The following HYDIN variants were observed in gnomAD, a reference collection of about 807,000 sequenced individuals.
The protein encoded by HYDIN is axonemal central pair apparatus protein HYDIN.
In HYDIN, 132 loss-of-function variants were observed where a neutral mutation model predicts 403.9. The ratio of observed to expected loss-of-function variants is 0.33; its 90% confidence interval spans 0.28 to 0.38. The LOEUF (loss-of-function observed/expected upper bound fraction) is 0.38. Ranked by LOEUF, HYDIN falls within the 10% of genes least tolerant of loss-of-function variation. The pLI is 1.00. For synonymous variants in HYDIN, 1,202 were observed against 1,891.7 expected (o/e 0.64, Z 9.46); for missense variants, 2,827 against 5,009.5 (o/e 0.56, Z 13.15).
intron 76 of HYDIN, among the ~76,000 whole-genome samples, chr16:70,838,325 G>C (rs1291531025): frequency 6.6e-6 from 1 of 151,768 alleles, no homozygotes; most frequent in African/African-American, 2.4e-5. Flanking sequence ...TGAGTAGCTG[G>C]GATTATAGGT....
At chr16:71,188,515 C>CAACACAA (rs2087265754) in intron 1 of HYDIN, among the ~76,000 whole-genome samples, 2 of 152,202 alleles carry the variant, frequency 1.3e-5, no homozygotes, top group Admixed American at 1.3e-4. Flanking sequence ...AAATCATTAA[C>CAACACAA]AACACAAAGA....
chr16:70,994,266 CATGGATGGATGGATGGATGG>C (rs34567184), intron 23 of HYDIN, among the ~76,000 whole-genome samples: 4 of 136,680 alleles, frequency 2.9e-5, no homozygotes, highest in South Asian at 2.7e-4. Flanking sequence ...TGGATGGATG[CATGGATGGATGGATGGATGG>C]ATGGATGGAT....
rs1415549198 is a variant in HYDIN at position 70,863,137 on chromosome 16, C to T, written c.11517G>A (p.Trp3839Ter). The T allele has an allele frequency of 6.2e-7, 1 of 1,614,030 alleles. No homozygotes were observed. Among genetic ancestry groups the T allele is most frequent in the South Asian group, 1.1e-5 (1 of 91,072 alleles). Residue 3839 changes from tryptophan to a stop codon, truncating the protein, a stop_gained, in exon 68 of 86, where the codon TGG becomes TGA. Transcript: ENST00000393567. LOFTEE classifies it high-confidence loss of function. ...CTGCCTTTGAGGTATCTTCTGAGAC[C>T]CAGCTGAATTCCAGCTGGACACGTC... ...NSGRVQLEFS[W>*]VSEDTSKAVS...
At chr16:71,183,178 G>C (rs1259220412) in intron 3 of HYDIN, among the ~76,000 whole-genome samples, 1 of 152,052 alleles carries the variant, frequency 6.6e-6, no homozygotes, top group East Asian at 1.9e-4. Context: ...GATGATTAAA[G>C]AGGTCTGTTG....
chr16:70,820,204 T>C, intron 83 of HYDIN, among the ~76,000 whole-genome samples: 1 of 135,388 alleles, frequency 7.4e-6, no homozygotes, highest in Non-Finnish European at 1.6e-5. Flanking sequence ...TTTTTTTTTT[T>C]TTTTGAGATG....
chr16:70,809,775 C>T lies in HYDIN; in HGVS notation c.14883+8G>A. 1 of 1,598,522 alleles carries T rather than the reference C, an allele frequency of 6.3e-7. No individual in the cohort carries two copies. Among genetic ancestry groups the T allele is most frequent in the Middle Eastern group, 1.7e-4 (1 of 5,806 alleles). On this transcript the variant is annotated splice_region_variant and intron_variant, in intron 85 of 85. Transcript: ENST00000393567. ...GGAAGGGCAGAAGGTAGAGCAGGGG[C>T]CACTCACCCTGCAGTAGTATTCTGT...
rs2034997874 is a variant in HYDIN, at chr16:70,803,867, A to G, written c.*3713T>C. ...TGGGGGCCCAGTGTGGAACGAGGCC[A>G]GGGAGCCCCATTCCCATGGTATTCT... On this transcript the variant is annotated 3_prime_UTR_variant, in exon 86 of 86. Transcript: ENST00000393567. Among the ~76,000 whole-genome samples, 1 of 151,692 alleles carries G rather than the reference A, an allele frequency of 6.6e-6. No individual in the cohort carries two copies. The highest frequency in any genetic ancestry group is 1.5e-5 in the Non-Finnish European group (1 of 67,886).
chr16:71,228,009 C>T (rs1233561888), intron 1 of HYDIN, among the ~76,000 whole-genome samples: 4 of 152,076 alleles, frequency 2.6e-5, no homozygotes, highest in Non-Finnish European at 4.4e-5. Flanking sequence ...TAATACCACA[C>T]ATCTACAACC....
chr16:70,955,472 T>G lies in HYDIN; in HGVS notation c.6219A>C (p.Glu2073Asp). 1.9e-6 allele frequency: 3 copies of G among 1,612,060 alleles called. No homozygotes were observed. The highest frequency in any genetic ancestry group is 2.5e-6 in the Non-Finnish European group (3 of 1,178,206). ...GGATGTTGTTGCTGTTGGCCACAGCTTCCAGCACAATGGAGTCGATGCTCA... is the reference window on the plus strand; with the variant it reads ...GGATGTTGTTGCTGTTGGCCACAGCGTCCAGCACAATGGAGTCGATGCTCA... ...ACLSIDSIVL[E>D]AVANSNNIPG... Residue 2073 changes from glutamate to aspartate, a missense_variant, in exon 40 of 86, where the codon GAA becomes GAC. Physicochemically the swap from Glu to Asp is conservative, Grantham distance 45. Transcript: ENST00000393567.
intron 41 of HYDIN, among the ~76,000 whole-genome samples, chr16:70,947,636 T>C (rs2077917325): frequency 6.6e-6 from 1 of 152,078 alleles, no homozygotes; most frequent in African/African-American, 2.4e-5. Context: ...TCTTTGTACC[T>C]CTGGTAGCAT....
chr16:70,846,425 G>A (rs1302937561), intron 75 of HYDIN, among the ~76,000 whole-genome samples: 1 of 151,390 alleles, frequency 6.6e-6, no homozygotes, highest in Non-Finnish European at 1.5e-5. Context: ...TATAATCTCT[G>A]TTCTTTTACA....
chr16:71,025,750 T>G (rs923724463), intron 20 of HYDIN, among the ~76,000 whole-genome samples: 1 of 142,496 alleles, frequency 7.0e-6, no homozygotes, highest in Non-Finnish European at 1.5e-5. Flanking sequence ...TATTTCTGAC[T>G]GCCCTGAGGC....
chr16:71,031,066 G>A (rs1352449411), intron 19 of HYDIN, among the ~76,000 whole-genome samples: 1 of 150,136 alleles, frequency 6.7e-6, no homozygotes, highest in Non-Finnish European at 1.5e-5. Context: ...CAGGCGTGGT[G>A]GTGGGCACCT....
At chr16:70,951,227 C>T (rs554301571) in intron 41 of HYDIN, among the ~76,000 whole-genome samples, 4 of 143,138 alleles carry the variant, frequency 2.8e-5, no homozygotes, top group East Asian at 4.0e-4. Flanking sequence ...ACAGTGAGAC[C>T]CTGACTCTAG....
intron 19 of HYDIN, among the ~76,000 whole-genome samples, chr16:71,029,893 G>C (rs866704625): frequency 6.6e-6 from 1 of 151,984 alleles, no homozygotes; most frequent in African/African-American, 2.4e-5. Flanking sequence ...CAGAAGGCAG[G>C]GGGAATACCT....
intron 71 of HYDIN, among the ~76,000 whole-genome samples, chr16:70,859,043 T>C (rs941590054): frequency 6.6e-6 from 1 of 151,332 alleles, no homozygotes; most frequent in African/African-American, 2.4e-5. Context: ...GGCTCACACC[T>C]GTAATCCCAG....
intron 23 of HYDIN, among the ~76,000 whole-genome samples, chr16:71,009,359 T>G (rs1391986915): frequency 6.7e-6 from 1 of 148,574 alleles, no homozygotes; most frequent in African/African-American, 2.5e-5. Context: ...TCCAGATGCA[T>G]GAACCAACAA....
At position 70,964,914 on chromosome 16, in the gene HYDIN, G is replaced by A; in HGVS notation, c.5620-18C>T. 1 of 1,613,350 alleles carries A rather than the reference G, an allele frequency of 6.2e-7. No homozygotes were observed. Among genetic ancestry groups the A allele is most frequent in the South Asian group, 1.1e-5 (1 of 91,014 alleles). ...CGCAAGATCTGCTCGAGGGGAGAAA[G>A]AGAATCCTGTTGGTCTCACTAGAAA... is the stretch of plus-strand genomic sequence containing the variant. On this transcript the variant is annotated intron_variant, in intron 36 of 85. Transcript: ENST00000393567.
chr16:71,064,814 A>C lies in HYDIN; in HGVS notation c.2102T>G (p.Val701Gly). 1.2e-6 allele frequency: 2 copies of C among 1,610,674 alleles called. No individual in the cohort carries two copies. Among genetic ancestry groups the C allele is most frequent in the Non-Finnish European group, 1.7e-6 (2 of 1,178,074 alleles). The change falls in exon 16 of 86, where the codon GTC (valine) becomes GGC (glycine). Residue 701 changes from valine (V) to glycine (G), a missense_variant. Coordinates refer to ENST00000393567, the MANE Select transcript of HYDIN (RefSeq NM_001270974.2). ...GTGCCCAAAGTCCACCTCTGTATTG[A>C]CCAGGTGGAGGGCAGGTACAACACA... ...ARCVVPALHL[V>G]NTEVDFGHCF...
Sources: gnomAD v4.1 joint callset for allele counts (sites outside exome capture counted in the v4.1 genomes callset) on GRCh38, gnomAD v4.1.1 for gene constraint, MANE v1.5 for transcripts, NCBI Gene and HGNC (gene_info 2026-07-23, HGNC 2026-07-21) for gene names.